The following ADAMTS14 variants were observed in gnomAD, a reference collection of about 807,000 sequenced individuals.
ADAMTS14 encodes ADAM metallopeptidase with thrombospondin type 1 motif 14, also known as A disintegrin and metalloproteinase with thrombospondin motifs 14.
Under a neutral mutation model 128.6 loss-of-function variants are expected in ADAMTS14, and 100 were observed. The observed-to-expected ratio is 0.78, with a 90% confidence interval of 0.66 to 0.92. ADAMTS14 has a LOEUF of 0.92. Ranked by LOEUF, ADAMTS14 falls within the 40% of genes least tolerant of loss-of-function variation. The pLI is 0.00. For missense variants in ADAMTS14, 1,562 were observed against 1,658.6 expected, an observed-to-expected ratio of 0.94 and a Z score of 1.01; for synonymous variants, 665 against 653.8, an observed-to-expected ratio of 1.02 and a Z score of -0.26.
intron 2 of ADAMTS14, among the ~76,000 whole-genome samples, chr10:70,685,532 C>T (rs1839928295): frequency 1.3e-5 from 2 of 152,146 alleles, no homozygotes; most frequent in Non-Finnish European, 2.9e-5. Flanking sequence ...GGCCCTCTAG[C>T]TCCCTCTTCA....
chr10:70,687,393 T>C (rs1840008720), intron 2 of ADAMTS14, among the ~76,000 whole-genome samples: 1 of 39,480 alleles, frequency 2.5e-5, no homozygotes, highest in African/African-American at 8.3e-5. Flanking sequence ...GGCTCCTCAC[T>C]TCCCAGTAGG....
intron 2 of ADAMTS14, among the ~76,000 whole-genome samples, chr10:70,697,424 A>G (rs1007159669): frequency 6.6e-6 from 1 of 152,184 alleles, no homozygotes; most frequent in African/African-American, 2.4e-5. Flanking sequence ...GTACCTGCCC[A>G]TGTCTGACAT....
intron 2 of ADAMTS14, among the ~76,000 whole-genome samples, chr10:70,700,165 G>A (rs984295858): frequency 6.6e-6 from 1 of 152,082 alleles, no homozygotes; most frequent in Non-Finnish European, 1.5e-5. Context: ...CCTGTGGGGA[G>A]TTCTGCAGGC....
At chr10:70,672,941 G>T (rs1839526903) in intron 1 of ADAMTS14, 57 bp downstream of exon 1, 1 of 1,381,854 alleles carries the variant, frequency 7.2e-7, no homozygotes, top group Non-Finnish European at 9.3e-7. Flanking sequence ...CGCGGTCAGG[G>T]TGGCCCAAGG....
chr10:70,709,455 A>G (rs895589256), intron 4 of ADAMTS14, among the ~76,000 whole-genome samples: 1 of 144,776 alleles, frequency 6.9e-6, no homozygotes, highest in Non-Finnish European at 1.5e-5. Flanking sequence ...AAATTTCATT[A>G]TGGAAAATTT....
At chr10:70,707,787 TA>T (rs1242222119) in intron 3 of ADAMTS14, among the ~76,000 whole-genome samples, 6 of 152,122 alleles carry the variant, frequency 3.9e-5, no homozygotes, top group African/African-American at 1.4e-4. Flanking sequence ...TAGAGGTCAG[TA>T]AAGGTAAGGC....
rs1841741247 is a variant in ADAMTS14 at position 70,734,045 on chromosome 10, C to G, written c.1352+17C>G. 6.2e-7 allele frequency: 1 copy of G among 1,609,296 alleles called. No homozygotes were observed. The highest frequency in any genetic ancestry group is 1.3e-5 in the African/African-American group (1 of 75,034). ...CTACCTCCCGTAGGTCATTCCTGCC[C>G]TCAGAGCTGGGATAGGGGAGCATGC... On this transcript the variant is annotated intron_variant, in intron 8 of 21. Transcript: ENST00000373207.
chr10:70,730,272 C>T (rs779529823), intron 6 of ADAMTS14, 23 bp downstream of exon 6: 11 of 1,608,966 alleles, frequency 6.8e-6, no homozygotes, highest in African/African-American at 1.3e-5. Context: ...CTGTATTTGC[C>T]ATGGCCAGGT....
chr10:70,716,179 G>A (rs1200237934), intron 4 of ADAMTS14, among the ~76,000 whole-genome samples: 1 of 152,214 alleles, frequency 6.6e-6, no homozygotes, highest in African/African-American at 2.4e-5. Context: ...AGTGGGTGAG[G>A]AGAGAGGAGA....
At position 70,674,646 on chromosome 10, in the gene ADAMTS14, C is replaced by G; in HGVS notation, c.173C>G (p.Ser58Cys). 6.2e-7 allele frequency: 1 copy of G among 1,613,698 alleles called. No homozygotes were observed. Among genetic ancestry groups the G allele is most frequent in the Non-Finnish European group, 8.5e-7 (1 of 1,180,040 alleles). ...FRGRFLSHVV[S>C]GPAAASAGSM... ...GGACGCTTCCTCTCCCACGTGGTGT[C>G]TGGCCCAGCAGCAGCCTCTGCAGGG... is the stretch of plus-strand genomic sequence containing the variant. Residue 58 changes from serine (S) to cysteine (C), a missense_variant, in exon 2 of 22, where the codon TCT becomes TGT. Transcript: ENST00000373207.
chr10:70,682,132 T>C (rs1335539427), intron 2 of ADAMTS14, among the ~76,000 whole-genome samples: 3 of 152,146 alleles, frequency 2.0e-5, no homozygotes, highest in African/African-American at 7.2e-5. Flanking sequence ...TCCTGGAGCA[T>C]TGAGCATAAG....
chr10:70,709,791 C>T (rs982605140), intron 4 of ADAMTS14, among the ~76,000 whole-genome samples: 8 of 152,206 alleles, frequency 5.3e-5, no homozygotes, highest in Admixed American at 5.2e-4. Flanking sequence ...TGAGCCACCG[C>T]GCCCAGCCTA....
intron 3 of ADAMTS14, among the ~76,000 whole-genome samples, chr10:70,706,153 G>C (rs1840658203): frequency 6.6e-6 from 1 of 151,956 alleles, no homozygotes; most frequent in Admixed American, 6.5e-5. Context: ...TGTGGCTGGA[G>C]CCCCCCCACA....
intron 2 of ADAMTS14, among the ~76,000 whole-genome samples, chr10:70,699,761 G>A (rs1272500046): frequency 6.6e-6 from 1 of 152,214 alleles, no homozygotes; most frequent in Non-Finnish European, 1.5e-5. Flanking sequence ...ATTTAACCAA[G>A]CCCCAGAATG....
chr10:70,740,974 G>C lies in ADAMTS14; in HGVS notation c.1749-13G>C. 6.2e-7 allele frequency: 1 copy of C among 1,612,660 alleles called. No homozygotes were observed. Among genetic ancestry groups the C allele is most frequent in the East Asian group, 2.2e-5 (1 of 44,844 alleles). On this transcript the variant is annotated splice_polypyrimidine_tract_variant and intron_variant, in intron 11 of 21. Coordinates refer to ENST00000373207, the MANE Select transcript of ADAMTS14 (RefSeq NM_080722.4). Reference sequence around the variant, plus strand: ...AGCCAGCAAGGTCATCCATTTCTCTGTGTCTGTCCCAGCCCAGCCTATGGA... The same window carrying C: ...AGCCAGCAAGGTCATCCATTTCTCTCTGTCTGTCCCAGCCCAGCCTATGGA...
chr10:70,693,503 A>G (rs140732403), intron 2 of ADAMTS14, among the ~76,000 whole-genome samples: 2 of 152,270 alleles, frequency 1.3e-5, no homozygotes, highest in African/African-American at 4.8e-5. Flanking sequence ...GCTCGGGACC[A>G]TCCTAGGTGC....
At chr10:70,708,053 G>A (rs1297412839) in intron 3 of ADAMTS14, among the ~76,000 whole-genome samples, 3 of 152,224 alleles carry the variant, frequency 2.0e-5, no homozygotes, top group Non-Finnish European at 2.9e-5. Flanking sequence ...GCAGAGCAGC[G>A]ATGGTGAAAT....
At chr10:70,742,236 G>A (rs1842022545) in intron 12 of ADAMTS14, among the ~76,000 whole-genome samples, 1 of 152,202 alleles carries the variant, frequency 6.6e-6, no homozygotes, top group Non-Finnish European at 1.5e-5. Context: ...GCTGCCCAGA[G>A]AGCTGCCTGC....
Position 70,753,861 on chromosome 10 carries a change from CG to C in ADAMTS14, c.2796del (p.Ile933TyrfsTer98), listed in dbSNP as rs1291842898. 18 of 1,594,262 alleles carry C rather than the reference CG, an allele frequency of 1.1e-5. No individual in the cohort carries two copies. In the Admixed American group the frequency reaches 1.6e-4, roughly 14 times the overall value. On this transcript the variant is annotated frameshift_variant, in exon 19 of 22. Transcript: ENST00000373207. Reference protein sequence around the residue: ...RSCGKLGVQTRGIQCLLPLSN... With the variant: ...RSCGKLGVQTXGIQCLLPLSN... ...CTGTGGGAAGCTGGGGGTGCAGACACGGGGGATACAGTGCCTGCTGCCCCTC... is the reference window on the plus strand; with the variant it reads ...CTGTGGGAAGCTGGGGGTGCAGACACGGGGATACAGTGCCTGCTGCCCCTC...
Sources: gnomAD v4.1 joint callset for allele counts (sites outside exome capture counted in the v4.1 genomes callset) on GRCh38, gnomAD v4.1.1 for gene constraint, MANE v1.5 for transcripts, NCBI Gene and HGNC (gene_info 2026-07-23, HGNC 2026-07-21) for gene names.